Variants in SRPK2 observed in about 807,000 individuals in gnomAD.
The protein encoded by SRPK2 is SFRS protein kinase 2.
SRPK2 carries 21 observed loss-of-function variants against 90.8 expected under a neutral mutation model. The observed-to-expected ratio is 0.23, with a 90% CI of 0.16 to 0.33. The LOEUF (loss-of-function observed/expected upper bound fraction) is 0.33. Ranked by LOEUF, SRPK2 falls within the 10% of genes least tolerant of loss-of-function variation. The pLI, the probability that SRPK2 is intolerant of heterozygous loss-of-function variation, is 1.00. For synonymous variants in SRPK2, 288 were observed against 311.1 expected (o/e 0.93, Z 0.78); for missense variants, 620 against 869.0 (o/e 0.71, Z 3.60).
chr7:105,145,108 A>C (rs1228328182), intron 9 of SRPK2, among the ~76,000 whole-genome samples, 175 bp downstream of exon 9: 1 of 6,184 alleles, frequency 1.6e-4, no homozygotes, highest in Non-Finnish European at 8.6e-4. Context: ...CTCAGTTTTC[A>C]AAAAAAAAAA....
At chr7:105,126,961 G>A in intron 14 of SRPK2, 32 bp downstream of exon 14, 1 of 1,609,160 alleles carries the variant, frequency 6.2e-7, no homozygotes, top group Non-Finnish European at 8.5e-7. Flanking sequence ...AGAAGACCTA[G>A]ACCGAGGTAT....
At position 105,247,706 on chromosome 7, in the gene SRPK2, C is replaced by A. The variant is rs555862546; in HGVS notation, c.72-43921G>T. On this transcript the variant is annotated intron_variant, in intron 2 of 15. Transcript: ENST00000393651. ...TTGGTATTTTAATTGACTGTATTAA[C>A]CACCTATTTTTTTTAAAAAAAAGTT... Among the ~76,000 whole-genome samples the A allele has an allele frequency of 3.1e-5, 4 of 130,936 alleles. No individual in the cohort carries two copies. In the South Asian group the frequency reaches 1.1e-3, roughly 35 times the overall value. 85.9% of individuals were successfully genotyped at this position (130,936 alleles called of 152,430 possible).
At chr7:105,248,809 G>C (rs1802081338) in intron 2 of SRPK2, among the ~76,000 whole-genome samples, 1 of 151,792 alleles carries the variant, frequency 6.6e-6, no homozygotes, top group Non-Finnish European at 1.5e-5. Flanking sequence ...GCCGGGTGTG[G>C]TGTTGGGCGC....
chr7:105,253,821 T>C (rs780585637), intron 2 of SRPK2, among the ~76,000 whole-genome samples: 8 of 152,194 alleles, frequency 5.3e-5, no homozygotes, highest in Admixed American at 1.3e-4. Context: ...TGAAAATATA[T>C]TGAGCAACCA....
intron 15 of SRPK2, among the ~76,000 whole-genome samples, chr7:105,125,043 T>C (rs752972794): frequency 2.6e-5 from 4 of 150,974 alleles, no homozygotes; most frequent in African/African-American, 9.8e-5. Flanking sequence ...GGCAGGAGAA[T>C]TGCTTGAACC....
At chr7:105,353,563 G>C (rs917814824) in intron 2 of SRPK2, among the ~76,000 whole-genome samples, 2 of 151,672 alleles carry the variant, frequency 1.3e-5, no homozygotes, top group African/African-American at 4.8e-5. Flanking sequence ...ACAGGGTTTT[G>C]TCACGTTGCT....
intron 2 of SRPK2, among the ~76,000 whole-genome samples, chr7:105,283,819 C>T (rs936286806): frequency 2.0e-5 from 3 of 151,662 alleles, no homozygotes; most frequent in Non-Finnish European, 4.4e-5. Flanking sequence ...GGTGAGACAC[C>T]GTTTCTACAA....
At chr7:105,294,039 C>T (rs894779040) in intron 2 of SRPK2, among the ~76,000 whole-genome samples, 6 of 152,146 alleles carry the variant, frequency 3.9e-5, no homozygotes, top group Admixed American at 3.3e-4. Context: ...CGGAGTGATA[C>T]AACATACAAC....
intron 2 of SRPK2, among the ~76,000 whole-genome samples, chr7:105,295,318 CA>C (rs1809656182): frequency 6.6e-6 from 1 of 151,210 alleles, no homozygotes; most frequent in South Asian, 2.1e-4. Flanking sequence ...TTTTATGTTA[CA>C]AATTCATATA....
At chr7:105,174,334 A>C (rs1791560841) in intron 3 of SRPK2, among the ~76,000 whole-genome samples, 1 of 152,138 alleles carries the variant, frequency 6.6e-6, no homozygotes, top group African/African-American at 2.4e-5. Context: ...GCCTAGCAAA[A>C]ATAGATTCTA....
At chr7:105,371,969 C>T (rs982419366) in intron 2 of SRPK2, among the ~76,000 whole-genome samples, 1 of 151,714 alleles carries the variant, frequency 6.6e-6, no homozygotes, top group Non-Finnish European at 1.5e-5. Context: ...CCCACCTCTA[C>T]TAAAAATACA....
intron 2 of SRPK2, among the ~76,000 whole-genome samples, chr7:105,358,082 G>A (rs1267452578): frequency 1.3e-5 from 2 of 151,810 alleles, no homozygotes; most frequent in East Asian, 3.9e-4. Flanking sequence ...AAATTAGTTG[G>A]GCGTGCTGGC....
chr7:105,170,835 GGAAGAAAGAAAGAAAGAAAGAAAGA>G lies in SRPK2; in HGVS notation c.230-1595_230-1571del, dbSNP rs1563024921. ...AGAGAGGGAGAGAAAGAGAAAGAAA[GGAAGAAAGAAAGAAAGAAAGAAAGA>G]AAGAAAGAAAGAAAGAAAGAAAGAA... On this transcript the variant is annotated intron_variant, in intron 3 of 15. Transcript: ENST00000393651. 7.5e-3 allele frequency among the ~76,000 whole-genome samples: 743 copies of G among 98,910 alleles called. 30 individuals carry two copies. The highest frequency in any genetic ancestry group is 0.011 in the Non-Finnish European group (568 of 49,804). The allele number at this position is 98,910 out of a possible 152,430, so 64.9% of individuals were successfully genotyped here.
At chr7:105,191,720 G>A (rs888992591) in intron 3 of SRPK2, among the ~76,000 whole-genome samples, 2 of 151,776 alleles carry the variant, frequency 1.3e-5, no homozygotes, top group African/African-American at 4.8e-5. Context: ...AATAAAGACG[G>A]TACCTCCATA....
intron 3 of SRPK2, among the ~76,000 whole-genome samples, chr7:105,173,409 G>C (rs541665976): frequency 6.6e-6 from 1 of 152,202 alleles, no homozygotes; most frequent in African/African-American, 2.4e-5. Flanking sequence ...AGTATCTTCT[G>C]ACCATTCATT....
At chr7:105,263,008 C>A (rs1171813053) in intron 2 of SRPK2, among the ~76,000 whole-genome samples, 1 of 152,156 alleles carries the variant, frequency 6.6e-6, no homozygotes, top group Admixed American at 6.5e-5. Flanking sequence ...ATGCAAGCTT[C>A]ATTAACCAAA....
intron 7 of SRPK2, 146 bp downstream of exon 7, chr7:105,160,361 G>A (rs1807424616): frequency 2.2e-6 from 1 of 458,656 alleles, no homozygotes; most frequent in Non-Finnish European, 4.0e-6. Context: ...AAAATGTTAT[G>A]CACTGATACA....
intron 2 of SRPK2, among the ~76,000 whole-genome samples, chr7:105,382,339 G>A (rs907874481): frequency 1.8e-4 from 28 of 151,772 alleles, no homozygotes; most frequent in Non-Finnish European, 8.8e-5. Context: ...GATCACCTGA[G>A]GTCAGGAGCT....
intron 9 of SRPK2, among the ~76,000 whole-genome samples, chr7:105,144,594 T>G (rs939916343): frequency 6.6e-6 from 1 of 152,156 alleles, no homozygotes; most frequent in Non-Finnish European, 1.5e-5. Flanking sequence ...AGTCTCTTTC[T>G]TATTTAACAT....
Sources: gnomAD v4.1 joint callset for allele counts (sites outside exome capture counted in the v4.1 genomes callset) on GRCh38, gnomAD v4.1.1 for gene constraint, MANE v1.5 for transcripts, NCBI Gene and HGNC (gene_info 2026-07-23, HGNC 2026-07-21) for gene names.